SLC38A5: variants seen among roughly 807,000 people sequenced by gnomAD.
SLC38A5 encodes the protein solute carrier family 38 member 5, also known as sodium-coupled neutral amino acid transporter 5.
In SLC38A5, 9 loss-of-function variants were observed where a neutral mutation model predicts 34.6. The ratio of observed to expected loss-of-function variants is 0.26; its 90% CI spans 0.16 to 0.45. The LOEUF (loss-of-function observed/expected upper bound fraction) is 0.45, where lower values mean the gene tolerates loss of function less well. Among genes scored for constraint, SLC38A5 ranks in the 20% least tolerant of loss-of-function variants. SLC38A5 has a pLI of 1.00. For missense variants in SLC38A5, 253 were observed against 394.7 expected, an observed-to-expected ratio of 0.64 and a Z score of 3.04; for synonymous variants, 157 against 155.6, an observed-to-expected ratio of 1.01 and a Z score of -0.07.
chrX:48,466,940 C>T, intron 5 of SLC38A5, 22 bp downstream of exon 5: 3 of 1,207,736 alleles, frequency 2.5e-6, no homozygotes, highest in South Asian at 1.8e-5. Context: ...CCCCTGGCCC[C>T]GCAGGCCACC....
chrX:48,462,414 C>T, intron 9 of SLC38A5, 123 bp from the exon 10 acceptor site: 2 of 663,064 alleles, frequency 3.0e-6, no homozygotes, highest in Non-Finnish European at 4.6e-6. Flanking sequence ...CGAGACCAGC[C>T]TGGCCAACAT....
chrX:48,463,911 G>GAAAGAA (rs782068302), intron 8 of SLC38A5, among the ~76,000 whole-genome samples: 3 of 97,508 alleles, frequency 3.1e-5, no homozygotes, highest in Non-Finnish European at 4.2e-5. Context: ...AAGAAAGAAA[G>GAAAGAA]AGAAAGAAAG....
rs1194868388 is a variant in SLC38A5, at chrX:48,466,017, C to T, written c.489G>A (p.Glu163=). The T allele has an allele frequency of 8.4e-7, 1 of 1,189,220 alleles. No homozygotes were observed. Among genetic ancestry groups the T allele is most frequent in the African/African-American group, 1.8e-5 (1 of 56,563 alleles). The change falls in exon 8 of 17, where the codon GAG becomes GAA. Residue 163 remains glutamate (E), a splice_region_variant and synonymous_variant. Transcript: ENST00000620913. ...VIGTFLYMDP[E]GDWFLKGNLL... ...GCCAAGGGGTGTTGCTCACTCACCC[C>T]TCGGGGTCCATGTACAGGAAGGTGC...
At chrX:48,463,130 C>A in intron 8 of SLC38A5, 150 bp from the exon 9 acceptor site, 1 of 452,115 alleles carries the variant, frequency 2.2e-6, no homozygotes, top group South Asian at 3.7e-5. Flanking sequence ...TTCAGGTGGT[C>A]ACAGTGACAA....
intron 8 of SLC38A5, among the ~76,000 whole-genome samples, chrX:48,465,658 C>T (rs782447617): frequency 1.1e-4 from 12 of 111,883 alleles, no homozygotes; most frequent in African/African-American, 3.6e-4. Flanking sequence ...ACAGAGCTAG[C>T]CCAAGAGAAT....
intron 6 of SLC38A5, among the ~76,000 whole-genome samples, 164 bp downstream of exon 6, chrX:48,466,635 T>C (rs192263877): frequency 2.4e-5 from 2 of 84,875 alleles, no homozygotes; most frequent in African/African-American, 9.1e-5. Context: ...TGTAGTGGTC[T>C]GGGGGTGGGT....
chrX:48,469,177 G>T (rs1556964422), intron 2 of SLC38A5, among the ~76,000 whole-genome samples, 158 bp downstream of exon 2: 1 of 109,564 alleles, frequency 9.1e-6, no homozygotes, highest in Non-Finnish European at 1.9e-5. Flanking sequence ...CACTTCCTGG[G>T]ATCAGGGTAC....
rs1270025758 is a variant in SLC38A5, at chrX:48,467,324, AC to A, written c.130-248del. 20 of 414,396 alleles carry A rather than the reference AC, an allele frequency of 4.8e-5. No homozygotes were observed. The East Asian group carries it at 7.6e-4, about 16-fold the overall frequency. The allele number at this position is 414,396 out of a possible 1,213,427, so 34.2% of individuals were successfully genotyped here. The stretch of plus-strand genomic sequence containing the variant: ...GAGGGAGCAGCTGGAAGTGGAGAGG[AC>A]CGGGGGAGGGTGAAGCAGCCACCAG... On this transcript the variant is annotated intron_variant, in intron 4 of 16. Transcript: ENST00000620913.
At chrX:48,460,013 G>A (rs2061423981) in intron 14 of SLC38A5, 137 bp from the exon 15 acceptor site, 1 of 837,705 alleles carries the variant, frequency 1.2e-6, no homozygotes. Flanking sequence ...GCTCCACCCT[G>A]CCTAACCCAA....
intron 16 of SLC38A5, chrX:48,459,321 C>T: frequency 4.6e-6 from 2 of 431,308 alleles, no homozygotes; most frequent in Non-Finnish European, 7.8e-6. Context: ...TCTATGCCAG[C>T]CTCTGTTTGA....
intron 8 of SLC38A5, among the ~76,000 whole-genome samples, chrX:48,465,001 T>C (rs1287597154): frequency 9.2e-6 from 1 of 108,716 alleles, no homozygotes; most frequent in Non-Finnish European, 1.9e-5. Flanking sequence ...CTACACACCA[T>C]GCAAAGCCCA....
chrX:48,466,496 T>C (rs2061477642), intron 6 of SLC38A5, among the ~76,000 whole-genome samples, 174 bp from the exon 7 acceptor site: 1 of 100,255 alleles, frequency 1.0e-5, no homozygotes, highest in Non-Finnish European at 2.0e-5. Context: ...GTCTGGGAGG[T>C]GGGATCTGAG....
intron 7 of SLC38A5, 64 bp from the exon 8 acceptor site, chrX:48,466,157 A>T (rs1160534251): frequency 9.1e-7 from 1 of 1,095,836 alleles, no homozygotes; most frequent in Non-Finnish European, 1.2e-6. Flanking sequence ...CGTCTTCCCC[A>T]GCCCAGCCTG....
chrX:48,466,276 C>G lies in SLC38A5; in HGVS notation c.366G>C (p.Ala122=). The G allele has an allele frequency of 1.7e-6, 2 of 1,206,789 alleles. No homozygotes were observed. The highest frequency in any genetic ancestry group is 1.7e-5 in the African/African-American group (1 of 57,628). Residue 122 remains alanine, a synonymous_variant, in exon 7 of 17, where the codon GCG becomes GCC. Coordinates refer to ENST00000620913, the MANE Select transcript of SLC38A5 (RefSeq NM_033518.4). ...TGACTGTGGCCACCACTACCTTCCCCGCAGGCCCGAATGCCCTCTGTCCCA... is the reference window on the plus strand; with the variant it reads ...TGACTGTGGCCACCACTACCTTCCCGGCAGGCCCGAATGCCCTCTGTCCCA... ...EQLGQRAFGP[A]GKVVVATVIC... is the part of the protein sequence containing the mutation.
At chrX:48,459,950 A>G (rs1240353461) in intron 14 of SLC38A5, 74 bp from the exon 15 acceptor site, 1 of 1,128,383 alleles carries the variant, frequency 8.9e-7, no homozygotes, top group Non-Finnish European at 1.2e-6. Flanking sequence ...ATCTGTCTTT[A>G]GCTCCACCCT....
chrX:48,463,584 C>T (rs6608806), intron 8 of SLC38A5, among the ~76,000 whole-genome samples: 9,948 of 104,657 alleles, frequency 0.095, 610 homozygotes, highest in East Asian at 0.38. Flanking sequence ...CCAGCCTGGG[C>T]GACAAAGGGA....
intron 8 of SLC38A5, among the ~76,000 whole-genome samples, chrX:48,463,548 G>A (rs2061449429): frequency 9.1e-6 from 1 of 109,735 alleles, no homozygotes; most frequent in South Asian, 3.9e-4. Context: ...GGAGCTTGCA[G>A]TGAGCCGAGA....
At position 48,458,698 on chromosome X, in the gene SLC38A5, CT is replaced by C; in HGVS notation, c.*234del. On this transcript the variant is annotated 3_prime_UTR_variant, in exon 17 of 17. Transcript: ENST00000620913. ...TCCTCCTCCTCCTCCTCCTCCTCTT[CT>C]TCCTCCTCCTCCTCCTCCCATGGGG... 3.0e-6 allele frequency: 3 copies of C among 1,003,523 alleles called. No individual in the cohort carries two copies. The highest frequency in any genetic ancestry group is 4.5e-5 in the Admixed American group (1 of 21,986). The allele number at this position is 1,003,523 out of a possible 1,213,427, so 82.7% of individuals were successfully genotyped here.
chrX:48,462,259 T>C lies in SLC38A5; in HGVS notation c.607A>G (p.Thr203Ala). ...YLGYTSGLSL[T>A]CMLFFLVSVI... ...GAAACAAGGAAAAACAGCATGCAGG[T>C]CAGAGAGAGACCACTGGTGTACCCC... The change falls in exon 10 of 17, where the codon ACC (threonine) becomes GCC (alanine). Residue 203 changes from threonine to alanine, a missense_variant. Transcript: ENST00000620913. The C allele has an allele frequency of 1.7e-6, 2 of 1,210,410 alleles. No homozygotes were observed. Among genetic ancestry groups the C allele is most frequent in the Non-Finnish European group, 2.2e-6 (2 of 894,970 alleles).
Sources: gnomAD v4.1 joint callset for allele counts (sites outside exome capture counted in the v4.1 genomes callset) on GRCh38, gnomAD v4.1.1 for gene constraint, MANE v1.5 for transcripts, NCBI Gene and HGNC (gene_info 2026-07-23, HGNC 2026-07-21) for gene names.